The following LAMC3 variants were observed in gnomAD, a reference collection of about 807,000 sequenced individuals.
The protein encoded by LAMC3 is laminin subunit gamma 3.
LAMC3 carries 128 observed loss-of-function variants against 173.8 expected under a neutral mutation model. That is an observed-to-expected ratio of 0.74 (90% CI 0.64 to 0.85). The LOEUF (loss-of-function observed/expected upper bound fraction) is 0.85, where lower values mean the gene tolerates loss of function less well. Among genes scored for constraint, LAMC3 ranks in the 40% least tolerant of loss-of-function variants. The probability of loss-of-function intolerance (pLI) is 0.00; values close to 1 mark genes in which losing one functional copy is unlikely to be tolerated. For synonymous variants in LAMC3, 897 were observed against 909.1 expected, an observed-to-expected ratio of 0.99 and a Z score of 0.24; for missense variants, 2,022 against 2,156.0, an observed-to-expected ratio of 0.94 and a Z score of 1.23.
chr9:131,015,719 G>A (rs565689935), intron 1 of LAMC3, among the ~76,000 whole-genome samples: 2 of 152,222 alleles, frequency 1.3e-5, no homozygotes, highest in African/African-American at 4.8e-5. Flanking sequence ...GCAATGGTGC[G>A]ATCTCAGCTC....
At chr9:131,027,897 C>T (rs543339325) in intron 2 of LAMC3, among the ~76,000 whole-genome samples, 24 of 152,348 alleles carry the variant, frequency 1.6e-4, no homozygotes, top group Non-Finnish European at 2.6e-4. Context: ...CCCAGGTGTG[C>T]GGACCTGCCG....
chr9:131,044,403 G>A (rs112175956), intron 7 of LAMC3, among the ~76,000 whole-genome samples: 3,349 of 152,184 alleles, frequency 0.022, 122 homozygotes, highest in African/African-American at 0.077. Context: ...CCAGCTACTT[G>A]GGAGGCTGAG....
Position 131,025,847 on chromosome 9 carries a change from A to G in LAMC3, c.374-438A>G, listed in dbSNP as rs188771907. On this transcript the variant is annotated intron_variant, in intron 1 of 27. Coordinates refer to ENST00000361069, the MANE Select transcript of LAMC3 (RefSeq NM_006059.4). ...GTCCAGGGAGGATTTCGTTAGGATTAGGAGATATGTGGTCATTGCAAGGGA... is the reference window on the plus strand; with the variant it reads ...GTCCAGGGAGGATTTCGTTAGGATTGGGAGATATGTGGTCATTGCAAGGGA... Among the ~76,000 whole-genome samples the G allele has an allele frequency of 3.0e-3, 462 of 152,308 alleles. 1 individual carries two copies. The highest frequency in any genetic ancestry group is 0.01 in the African/African-American group (424 of 41,562).
chr9:131,012,324 CCT>C (rs1833432183), intron 1 of LAMC3, among the ~76,000 whole-genome samples: 2 of 152,154 alleles, frequency 1.3e-5, no homozygotes, highest in African/African-American at 2.4e-5. Context: ...AGCGGAGTCC[CCT>C]CTCTCAGCCT....
At chr9:131,023,565 A>G (rs1039007425) in intron 1 of LAMC3, among the ~76,000 whole-genome samples, 1 of 152,208 alleles carries the variant, frequency 6.6e-6, no homozygotes, top group African/African-American at 2.4e-5. Flanking sequence ...TTGGCCATTC[A>G]TATATCCACT....
chr9:131,062,433 T>C (rs1454665768), intron 13 of LAMC3, among the ~76,000 whole-genome samples: 1 of 152,190 alleles, frequency 6.6e-6, no homozygotes, highest in Non-Finnish European at 1.5e-5. Flanking sequence ...TGGTAAAATA[T>C]ATATAACGTA....
intron 22 of LAMC3, among the ~76,000 whole-genome samples, chr9:131,078,044 C>T (rs775815745): frequency 3.3e-5 from 5 of 152,176 alleles, no homozygotes; most frequent in Non-Finnish European, 5.9e-5. Context: ...AGGCTGCTTC[C>T]ATGGGAGCTG....
chr9:131,080,610 G>A (rs1430135960), intron 23 of LAMC3, among the ~76,000 whole-genome samples: 1 of 152,132 alleles, frequency 6.6e-6, no homozygotes, highest in Admixed American at 6.6e-5. Flanking sequence ...CAGGATAAGG[G>A]GGCTGTCTGT....
chr9:131,056,515 A>C (rs1041451733), intron 11 of LAMC3, among the ~76,000 whole-genome samples: 1 of 135,284 alleles, frequency 7.4e-6, no homozygotes, highest in African/African-American at 2.7e-5. Flanking sequence ...ATAAAAATCA[A>C]CCAGCGCAGT....
Position 131,052,588 on chromosome 9 carries a change from G to A in LAMC3, c.1728G>A (p.Arg576=). 6.2e-7 allele frequency: 1 copy of A among 1,614,040 alleles called. No homozygotes were observed. The highest frequency in any genetic ancestry group is 8.5e-7 in the Non-Finnish European group (1 of 1,179,914). Residue 576 remains arginine (R), a synonymous_variant, in exon 10 of 28, where the codon AGG becomes AGA. Transcript: ENST00000361069. Reference sequence around the variant, plus strand: ...ACTCCCCACTCCCTGTACAGCTGAGGCTGGAAGGGACAGGCTTGGCCCTGT... The same window carrying A: ...ACTCCCCACTCCCTGTACAGCTGAGACTGGAAGGGACAGGCTTGGCCCTGT... The part of the protein sequence containing the change: ...PGDSPLPVQL[R]LEGTGLALSL...
Position 131,023,141 on chromosome 9 carries a change from T to C in LAMC3, c.374-3144T>C, listed in dbSNP as rs947468551. Among the ~76,000 whole-genome samples the C allele has an allele frequency of 3.9e-4, 60 of 152,268 alleles. 4 individuals are homozygous for C. The highest frequency in any genetic ancestry group is 2.9e-5 in the Non-Finnish European group (2 of 68,050). On this transcript the variant is annotated intron_variant, in intron 1 of 27. Transcript: ENST00000361069. The stretch of plus-strand genomic sequence containing the variant: ...TGTAGCCCAATCATATTCCATCATA[T>C]GATATATGCCACGTTTTATTGATTC...
chr9:131,020,268 G>A (rs888242744), intron 1 of LAMC3, among the ~76,000 whole-genome samples: 4 of 152,106 alleles, frequency 2.6e-5, no homozygotes, highest in African/African-American at 9.7e-5. Context: ...AGCCCCATCT[G>A]GCCACCCACT....
intron 2 of LAMC3, among the ~76,000 whole-genome samples, chr9:131,027,208 T>C (rs1267186260): frequency 6.6e-6 from 1 of 152,250 alleles, no homozygotes; most frequent in East Asian, 1.9e-4. Context: ...CCCTTCCTTA[T>C]ATGGGTGTGG....
At chr9:131,074,661 A>C (rs1167626016) in intron 20 of LAMC3, among the ~76,000 whole-genome samples, 15 of 149,008 alleles carry the variant, frequency 1.0e-4, no homozygotes, top group Middle Eastern at 3.4e-3. Context: ...ACACCACTGC[A>C]CTCCAGCCTG....
At chr9:131,067,378 C>T (rs1229252629) in intron 14 of LAMC3, among the ~76,000 whole-genome samples, 173 bp downstream of exon 14, 1 of 152,160 alleles carries the variant, frequency 6.6e-6, no homozygotes, top group East Asian at 1.9e-4. Flanking sequence ...GTCCAGAAAG[C>T]ACAAGGGTTT....
In LAMC3 at chr9:131,038,934, C is replaced by CGG; in HGVS notation, c.1049_1050dup (p.Arg351GlyfsTer58). On this transcript the variant is annotated frameshift_variant, in exon 5 of 28. Coordinates refer to ENST00000361069, the MANE Select transcript of LAMC3 (RefSeq NM_006059.4). LOFTEE classifies it high-confidence loss of function. ...AGCTCTTCCGCAGCACAGGCCACGGCGGGCGCTGTCACCACTGCCGTGACC... is the reference window on the plus strand; with the variant it reads ...AGCTCTTCCGCAGCACAGGCCACGGCGGGGGCGCTGTCACCACTGCCGTGACC... 6.2e-7 allele frequency: 1 copy of CGG among 1,613,058 alleles called. No individual in the cohort carries two copies. Among genetic ancestry groups the CGG allele is most frequent in the South Asian group, 1.1e-5 (1 of 91,072 alleles).
chr9:131,066,614 G>T (rs891507643), intron 13 of LAMC3, among the ~76,000 whole-genome samples: 1 of 152,040 alleles, frequency 6.6e-6, no homozygotes, highest in Admixed American at 6.6e-5. Context: ...AGGGTGTGAG[G>T]ACAGATATGT....
intron 9 of LAMC3, among the ~76,000 whole-genome samples, chr9:131,051,721 T>C (rs937214551): frequency 6.6e-6 from 1 of 152,130 alleles, no homozygotes; most frequent in Non-Finnish European, 1.5e-5. Flanking sequence ...CCAGCCACTT[T>C]TATTTCACTC....
rs1359859226 is a variant in LAMC3, at chr9:131,077,220, G to C, written c.3663G>C (p.Leu1221=). 6.2e-7 allele frequency: 1 copy of C among 1,613,918 alleles called. No individual in the cohort carries two copies. ...AGGTCCAGGCGGCCCAGAAAGCACTGAGGACGGCTGTGGCAGAGGTGCTGC... is the reference window on the plus strand; with the variant it reads ...AGGTCCAGGCGGCCCAGAAAGCACTCAGGACGGCTGTGGCAGAGGTGCTGC... ...YQEVQAAQKA[L]RTAVAEVLPE... is the part of the protein sequence containing the mutation. Residue 1221 remains leucine (L), a synonymous_variant, in exon 22 of 28, where the codon CTG becomes CTC. Transcript: ENST00000361069.
Sources: allele counts gnomAD v4.1 joint callset (sites outside exome capture counted in the v4.1 genomes callset), GRCh38; gene constraint gnomAD v4.1.1; transcripts MANE v1.5; gene names NCBI Gene and HGNC (gene_info 2026-07-23, HGNC 2026-07-21).